The following KATNIP variants were observed in gnomAD, a reference collection of about 807,000 sequenced individuals.
The protein encoded by KATNIP is katanin interacting protein.
Under a neutral mutation model 174.0 loss-of-function variants are expected in KATNIP, and 126 were observed. That is an observed-to-expected ratio of 0.72 (90% confidence interval 0.63 to 0.84). The LOEUF (loss-of-function observed/expected upper bound fraction) is 0.84. Ranked by LOEUF, KATNIP falls within the 40% of genes least tolerant of loss-of-function variation. KATNIP has a pLI of 0.00. For synonymous variants in KATNIP, 810 were observed against 835.7 expected (o/e 0.97, Z 0.53); for missense variants, 1,958 against 2,109.7 (o/e 0.93, Z 1.41).
At chr16:27,670,364 A>G (rs925691088) in intron 6 of KATNIP, among the ~76,000 whole-genome samples, 1 of 152,234 alleles carries the variant, frequency 6.6e-6, no homozygotes, top group Non-Finnish European at 1.5e-5. Flanking sequence ...TTAAGTGGCT[A>G]CAGCGCTTAC....
chr16:27,625,876 G>T (rs1430142323), intron 3 of KATNIP, among the ~76,000 whole-genome samples: 2 of 149,890 alleles, frequency 1.3e-5, no homozygotes, highest in Admixed American at 6.7e-5. Flanking sequence ...TGGAGACAAG[G>T]TCTCTGTCTG....
In KATNIP at chr16:27,553,543, A is replaced by G. The variant is rs559384295; in HGVS notation, c.7+3366A>G. Among the ~76,000 whole-genome samples the G allele has an allele frequency of 2.0e-5, 3 of 152,336 alleles. No individual in the cohort carries two copies. In the South Asian group the frequency reaches 6.2e-4, roughly 32 times the overall value. ...TAAGAATGTCCTGATGGTTGGGTTC[A>G]GTGGCTCACGCCTATAGTCCCACCG... On this transcript the variant is annotated intron_variant, in intron 1 of 27. Coordinates refer to ENST00000261588, the MANE Select transcript of KATNIP (RefSeq NM_015202.5).
intron 23 of KATNIP, 113 bp downstream of exon 23, chr16:27,773,322 G>A (rs935845046): frequency 1.5e-6 from 1 of 682,062 alleles, no homozygotes. Context: ...AGGAACCAGA[G>A]CCCAGGGGGC....
intron 17 of KATNIP, 140 bp downstream of exon 17, chr16:27,752,064 T>C: frequency 1.8e-6 from 1 of 557,338 alleles, no homozygotes; most frequent in Non-Finnish European, 2.9e-6. Context: ...CTTTCTACTT[T>C]GTTTTTTTGT....
intron 3 of KATNIP, among the ~76,000 whole-genome samples, chr16:27,625,111 G>A (rs1596976786): frequency 1.3e-5 from 2 of 152,116 alleles, no homozygotes; most frequent in Admixed American, 1.3e-4. Flanking sequence ...TGCAAAGTAG[G>A]CTATCAATTT....
intron 2 of KATNIP, among the ~76,000 whole-genome samples, chr16:27,579,122 A>G (rs1294662623): frequency 6.6e-6 from 1 of 152,242 alleles, no homozygotes; most frequent in African/African-American, 2.4e-5. Flanking sequence ...GTTGGAAAAA[A>G]GGAGATCACA....
chr16:27,720,487 G>C (rs1007377493), intron 13 of KATNIP, among the ~76,000 whole-genome samples: 15 of 130,682 alleles, frequency 1.1e-4, no homozygotes, highest in Non-Finnish European at 1.7e-4. Context: ...TTACACAAAG[G>C]GTTTTGTTCT....
At chr16:27,759,027 C>A (rs2081846229) in intron 18 of KATNIP, among the ~76,000 whole-genome samples, 1 of 152,166 alleles carries the variant, frequency 6.6e-6, no homozygotes, top group Admixed American at 6.5e-5. Flanking sequence ...GTTGGTAAAA[C>A]CCAATAGTTT....
Position 27,749,700 on chromosome 16 carries a change from AT to A in KATNIP, c.2741del (p.Ile914ThrfsTer83). The A allele has an allele frequency of 6.2e-7, 1 of 1,613,608 alleles. No individual in the cohort carries two copies. Among genetic ancestry groups the A allele is most frequent in the Non-Finnish European group, 8.5e-7 (1 of 1,179,806 alleles). Reference protein sequence around the residue: ...SAFDRSHRGRISNTELPGDIL... With the variant: ...SAFDRSHRGRXSNTELPGDIL... ...CTTCGACCGCTCCCACCGGGGACGC[AT>A]CTCCAACACGGAGCTCCCGGGGGAC... On this transcript the variant is annotated frameshift_variant, in exon 16 of 28. Coordinates refer to ENST00000261588, the MANE Select transcript of KATNIP (RefSeq NM_015202.5). LOFTEE classifies it high-confidence loss of function.
intron 2 of KATNIP, among the ~76,000 whole-genome samples, chr16:27,580,822 A>G (rs975077884): frequency 1.3e-5 from 2 of 151,618 alleles, no homozygotes; most frequent in African/African-American, 2.4e-5. Flanking sequence ...CAGGAATGTA[A>G]TTCTTTACTC....
chr16:27,576,509 C>G lies in KATNIP; in HGVS notation c.63+2553C>G, dbSNP rs187564050. Among the ~76,000 whole-genome samples the G allele has an allele frequency of 2.0e-5, 3 of 152,232 alleles. 1 individual carries two copies. The highest frequency in any genetic ancestry group is 2.0e-4 in the Admixed American group (3 of 15,286). On this transcript the variant is annotated intron_variant, in intron 2 of 27. Coordinates refer to ENST00000261588, the MANE Select transcript of KATNIP (RefSeq NM_015202.5). ...AATAAATAAAGGCTTGGCGAAGTGG[C>G]TCCTGCCTATAATCCCAGCACTTTA... is the stretch of plus-strand genomic sequence containing the variant.
chr16:27,739,922 A>G (rs1401123682), intron 14 of KATNIP, 119 bp from the exon 15 acceptor site: 1 of 1,154,550 alleles, frequency 8.7e-7, no homozygotes, highest in East Asian at 2.5e-5. Flanking sequence ...TGGTTTTCAA[A>G]AGCTTGCATT....
At chr16:27,552,264 T>A (rs1304101324) in intron 1 of KATNIP, among the ~76,000 whole-genome samples, 1 of 152,142 alleles carries the variant, frequency 6.6e-6, no homozygotes, top group African/African-American at 2.4e-5. Context: ...AAATTTGGCC[T>A]CATACAAATA....
chr16:27,591,048 T>C (rs1245892355), intron 2 of KATNIP, among the ~76,000 whole-genome samples: 5 of 152,230 alleles, frequency 3.3e-5, no homozygotes, highest in Non-Finnish European at 7.3e-5. Context: ...TCAAGGAGAC[T>C]TCCTGTGTGA....
intron 5 of KATNIP, among the ~76,000 whole-genome samples, chr16:27,646,648 G>A (rs1168451286): frequency 3.3e-5 from 5 of 152,220 alleles, no homozygotes; most frequent in African/African-American, 1.2e-4. Flanking sequence ...TGTCTGTGCA[G>A]CAATCAGGGC....
chr16:27,732,869 T>C (rs532113031), intron 14 of KATNIP, among the ~76,000 whole-genome samples: 1 of 152,324 alleles, frequency 6.6e-6, no homozygotes, highest in African/African-American at 2.4e-5. Flanking sequence ...ACCCACGCTT[T>C]TGCTCTGCAG....
chr16:27,776,988 A>T lies in KATNIP; in HGVS notation c.4510A>T (p.Asn1504Tyr). The change falls in exon 25 of 28, where the codon AAT becomes TAT. Residue 1504 changes from asparagine (N) to tyrosine (Y), a missense_variant. Asn to Tyr is a moderately radical substitution (Grantham distance 143, BLOSUM62 -2). Coordinates refer to ENST00000261588, the MANE Select transcript of KATNIP (RefSeq NM_015202.5). This position sits in a 1 kb window ranked among gnomAD's most constrained non-coding sequence, Gnocchi z 4.7. ...PTTVSMIKLW[N>Y]YAKTPHRGVK... ...CACCGTGTCAATGATCAAACTGTGG[A>T]ATTATGCGAAAACACCCCATCGAGG... 1 of 1,613,918 alleles carries T rather than the reference A, an allele frequency of 6.2e-7. No individual in the cohort carries two copies. Among genetic ancestry groups the T allele is most frequent in the Non-Finnish European group, 8.5e-7 (1 of 1,179,790 alleles).
intron 2 of KATNIP, among the ~76,000 whole-genome samples, chr16:27,610,364 T>C (rs1002320366): frequency 1.3e-5 from 2 of 152,118 alleles, no homozygotes; most frequent in Non-Finnish European, 2.9e-5. Context: ...GAGTGGGGCT[T>C]TGAAGATGAC....
intron 13 of KATNIP, among the ~76,000 whole-genome samples, chr16:27,714,909 T>C (rs2079857288): frequency 6.6e-6 from 1 of 152,206 alleles, no homozygotes; most frequent in Non-Finnish European, 1.5e-5. Flanking sequence ...AAAATCACTA[T>C]CAGAATCTCT....
Sources: allele counts gnomAD v4.1 joint callset (sites outside exome capture counted in the v4.1 genomes callset), GRCh38; gene constraint gnomAD v4.1.1; non-coding constraint Gnocchi (gnomAD v3.1); transcripts MANE v1.5; gene names NCBI Gene and HGNC (gene_info 2026-07-23, HGNC 2026-07-21).